The following FBXL7 variants were observed in gnomAD, a reference collection of about 807,000 sequenced individuals.
The protein encoded by FBXL7 is F-box/LRR-repeat protein 7.
A neutral mutation model predicts 38.3 loss-of-function variants in FBXL7; 12 were observed. The ratio of observed to expected loss-of-function variants is 0.31; its 90% CI spans 0.20 to 0.51. The LOEUF (loss-of-function observed/expected upper bound fraction) is 0.51, where lower values mean the gene tolerates loss of function less well. Ranked by LOEUF, FBXL7 falls within the 20% of genes least tolerant of loss-of-function variation. FBXL7 has a pLI of 0.98. For synonymous variants in FBXL7, 297 were observed against 300.9 expected (o/e 0.99, Z 0.13); for missense variants, 567 against 676.4 (o/e 0.84, Z 1.79).
At chr5:15,672,557 C>CTT (rs35987843) in intron 2 of FBXL7, among the ~76,000 whole-genome samples, 258 of 135,144 alleles carry the variant, frequency 1.9e-3, no homozygotes, top group African/African-American at 6.7e-3. Context: ...TAATCTTTTT[C>CTT]TTTTTTTTTT....
chr5:15,549,895 G>C (rs1442101123), intron 1 of FBXL7, among the ~76,000 whole-genome samples: 3 of 152,142 alleles, frequency 2.0e-5, no homozygotes, highest in Admixed American at 6.5e-5. Flanking sequence ...GGGTGCAGGG[G>C]ACAGAAACTG....
chr5:15,851,010 G>A (rs1279600675), intron 2 of FBXL7, among the ~76,000 whole-genome samples: 1 of 152,166 alleles, frequency 6.6e-6, no homozygotes, highest in South Asian at 2.1e-4. Context: ...TTTCCAGACA[G>A]GCTCAGCTGA....
intron 2 of FBXL7, among the ~76,000 whole-genome samples, chr5:15,772,801 G>A (rs1446853846): frequency 6.6e-6 from 1 of 151,888 alleles, no homozygotes; most frequent in Admixed American, 6.6e-5. Flanking sequence ...TTTCCATATT[G>A]TTTGTTTCTA....
At chr5:15,743,199 A>G (rs576485709) in intron 2 of FBXL7, among the ~76,000 whole-genome samples, 5 of 152,188 alleles carry the variant, frequency 3.3e-5, no homozygotes, top group Non-Finnish European at 5.9e-5. Flanking sequence ...TCATTCCAGT[A>G]TTAACTCAAA....
intron 1 of FBXL7, among the ~76,000 whole-genome samples, chr5:15,529,155 G>A (rs1288879965): frequency 1.3e-5 from 2 of 152,174 alleles, no homozygotes; most frequent in Non-Finnish European, 2.9e-5. Flanking sequence ...CCACATGTAA[G>A]TGAGATCATG....
chr5:15,729,929 A>G (rs1735530211), intron 2 of FBXL7, among the ~76,000 whole-genome samples: 1 of 152,186 alleles, frequency 6.6e-6, no homozygotes, highest in Admixed American at 6.5e-5. Context: ...TAAATCTGTC[A>G]GTTCCAGATT....
intron 2 of FBXL7, among the ~76,000 whole-genome samples, chr5:15,668,604 C>G (rs2126593922): frequency 6.6e-6 from 1 of 152,234 alleles, no homozygotes; most frequent in African/African-American, 2.4e-5. Flanking sequence ...CTTGAGCAGC[C>G]ACCTTGGACC....
rs16867525 is a variant in FBXL7 at position 15,598,681 on chromosome 5, G to A, written c.38-17302G>A. 4.9e-3 allele frequency among the ~76,000 whole-genome samples: 742 copies of A among 152,114 alleles called. 5 individuals carry two copies. Among genetic ancestry groups the A allele is most frequent in the African/African-American group, 0.017 (696 of 41,474 alleles). ...TGTAATACAGTATGGCGTCCAACAA[G>A]GCCTATGGTTATATCCAGAGAGAGA... On this transcript the variant is annotated intron_variant, in intron 1 of 3. Coordinates refer to ENST00000504595, the MANE Select transcript of FBXL7 (RefSeq NM_012304.5).
rs375128237 is a variant in FBXL7 at position 15,614,274 on chromosome 5, C to CTT, written c.38-1697_38-1696dup. Among the ~76,000 whole-genome samples, 152 of 126,556 alleles carry CTT rather than the reference C, an allele frequency of 1.2e-3. 1 individual carries two copies. Among genetic ancestry groups the CTT allele is most frequent in the African/African-American group, 4.2e-3 (138 of 32,902 alleles). The allele number at this position is 126,556 out of a possible 152,430, so 83.0% of individuals were successfully genotyped here. A position where few individuals can be genotyped will look rare whatever the true frequency, so the allele number is the denominator to read the frequency against. On this transcript the variant is annotated intron_variant, in intron 1 of 3. Transcript: ENST00000504595. ...GCGTTCTTTTCTTTTCTTTTCTTTTCTTTTTTTTTTTTTGAGACGGGCTCT... is the reference window on the plus strand; with the variant it reads ...GCGTTCTTTTCTTTTCTTTTCTTTTCTTTTTTTTTTTTTTTGAGACGGGCTCT...
chr5:15,755,732 C>T (rs1458578475), intron 2 of FBXL7, among the ~76,000 whole-genome samples: 1 of 152,188 alleles, frequency 6.6e-6, no homozygotes, highest in Non-Finnish European at 1.5e-5. Flanking sequence ...AATAGCCAAA[C>T]AGCCAGTAAA....
intron 1 of FBXL7, among the ~76,000 whole-genome samples, chr5:15,535,191 A>G (rs577988223): frequency 6.6e-6 from 1 of 152,304 alleles, no homozygotes; most frequent in Admixed American, 6.5e-5. Context: ...TTTATAAACT[A>G]TCCAGTCTCA....
At chr5:15,771,546 T>G (rs1200969169) in intron 2 of FBXL7, among the ~76,000 whole-genome samples, 1 of 152,154 alleles carries the variant, frequency 6.6e-6, no homozygotes, top group African/African-American at 2.4e-5. Flanking sequence ...AAGGGAGAGA[T>G]ATCAGAATGT....
chr5:15,644,304 CAAAA>C (rs369213583), intron 2 of FBXL7, among the ~76,000 whole-genome samples: 1 of 94,806 alleles, frequency 1.1e-5, no homozygotes, highest in East Asian at 4.1e-4. Context: ...ACTAAAAATC[CAAAA>C]AAAAAAAAAA....
intron 2 of FBXL7, among the ~76,000 whole-genome samples, chr5:15,710,981 T>C (rs1743844983): frequency 6.6e-6 from 1 of 152,116 alleles, no homozygotes; most frequent in African/African-American, 2.4e-5. Flanking sequence ...TGGGGGTGAG[T>C]CTTTCTCAAG....
chr5:15,677,534 G>A (rs972228399), intron 2 of FBXL7, among the ~76,000 whole-genome samples: 1 of 151,452 alleles, frequency 6.6e-6, no homozygotes, highest in Non-Finnish European at 1.5e-5. Context: ...AAGGAGGGAG[G>A]GAGGGAAGGA....
intron 2 of FBXL7, among the ~76,000 whole-genome samples, chr5:15,923,006 A>C (rs2126449166): frequency 6.6e-6 from 1 of 152,322 alleles, no homozygotes. Context: ...CCATAATCTA[A>C]GTTCAAATAT....
chr5:15,505,078 A>T (rs11746319), intron 1 of FBXL7, among the ~76,000 whole-genome samples: 42,591 of 152,112 alleles, frequency 0.28, 7,475 homozygotes, highest in Admixed American at 0.46. Context: ...GCTGTCAGAT[A>T]TGAGGAGAGC....
chr5:15,702,854 G>A (rs890368014), intron 2 of FBXL7, among the ~76,000 whole-genome samples: 1 of 152,126 alleles, frequency 6.6e-6, no homozygotes, highest in East Asian at 1.9e-4. Context: ...GGGAGATAGG[G>A]GTGGGTGGGG....
intron 1 of FBXL7, chr5:15,580,929 AC>A: frequency 1.7e-6 from 1 of 574,158 alleles, no homozygotes. Context: ...TAGCCGGGTG[AC>A]CCAGCAGAGG....
Sources: gnomAD v4.1 joint callset for allele counts (sites outside exome capture counted in the v4.1 genomes callset) on GRCh38, gnomAD v4.1.1 for gene constraint, MANE v1.5 for transcripts, NCBI Gene and HGNC (gene_info 2026-07-23, HGNC 2026-07-21) for gene names.